RIMS2: variants seen among roughly 807,000 people sequenced by gnomAD.
RIMS2 encodes the protein regulating synaptic membrane exocytosis protein 2.
A neutral mutation model predicts 174.4 loss-of-function variants in RIMS2; 59 were observed. That is an observed-to-expected ratio of 0.34 (90% confidence interval 0.27 to 0.42). The LOEUF (loss-of-function observed/expected upper bound fraction) is 0.42, where lower values mean the gene tolerates loss of function less well. Ranked by LOEUF, RIMS2 falls within the 10% of genes least tolerant of loss-of-function variation. The pLI is 1.00. For missense variants in RIMS2, 1,620 were observed against 1,666.3 expected (o/e 0.97, Z 0.48); for synonymous variants, 606 against 572.5 (o/e 1.06, Z -0.84).
At chr8:103,910,485 T>C in intron 5 of RIMS2, 1 of 1,597,752 alleles carries the variant, frequency 6.3e-7, no homozygotes, top group South Asian at 1.1e-5. Flanking sequence ...GGTAGATACG[T>C]GTAGTAGCAC....
At chr8:103,652,225 C>A (rs1158861545) in intron 1 of RIMS2, 21 of 1,348,350 alleles carry the variant, frequency 1.6e-5, no homozygotes, top group Non-Finnish European at 2.0e-5. Flanking sequence ...GAACACAAAC[C>A]ACAACTGACA....
intron 3 of RIMS2, among the ~76,000 whole-genome samples, chr8:103,808,747 C>T (rs1019815585): frequency 2.6e-5 from 4 of 152,278 alleles, no homozygotes; most frequent in African/African-American, 9.6e-5. Context: ...GTTGATTCGA[C>T]TTCTACCTTT....
chr8:104,174,234 G>A (rs538735068), intron 19 of RIMS2, among the ~76,000 whole-genome samples: 118 of 151,984 alleles, frequency 7.8e-4, no homozygotes, highest in Non-Finnish European at 1.2e-3. Context: ...GGCGTGAGCC[G>A]CTGCACCCGG....
chr8:103,992,216 C>G (rs577563291), intron 17 of RIMS2, among the ~76,000 whole-genome samples: 1 of 151,642 alleles, frequency 6.6e-6, no homozygotes, highest in African/African-American at 2.4e-5. Context: ...TCAAGCGATT[C>G]TCCTGCCTCA....
intron 9 of RIMS2, among the ~76,000 whole-genome samples, chr8:103,919,973 A>G (rs1055353345): frequency 3.3e-5 from 5 of 152,134 alleles, no homozygotes; most frequent in Non-Finnish European, 5.9e-5. Flanking sequence ...ATACCATCAC[A>G]TTTAATTTTT....
intron 1 of RIMS2, among the ~76,000 whole-genome samples, chr8:103,550,715 C>G (rs1194518859): frequency 1.3e-5 from 2 of 151,318 alleles, no homozygotes; most frequent in Non-Finnish European, 2.9e-5. Flanking sequence ...ACTAGCAAGA[C>G]TAATAAAGAA....
At chr8:104,152,934 G>A (rs1417267294) in intron 19 of RIMS2, among the ~76,000 whole-genome samples, 2 of 152,104 alleles carry the variant, frequency 1.3e-5, no homozygotes, top group Non-Finnish European at 1.5e-5. Flanking sequence ...AAAAATAAAT[G>A]TTATTGTACC....
chr8:104,023,301 T>C (rs2096157502), intron 19 of RIMS2, among the ~76,000 whole-genome samples: 1 of 151,362 alleles, frequency 6.6e-6, no homozygotes, highest in Admixed American at 6.6e-5. Flanking sequence ...TTTTTTTTTT[T>C]AGTAAGATGA....
At chr8:103,553,452 G>C (rs1848985071) in intron 1 of RIMS2, among the ~76,000 whole-genome samples, 1 of 152,040 alleles carries the variant, frequency 6.6e-6, no homozygotes, top group Admixed American at 6.6e-5. Context: ...GTCATGGGGT[G>C]GGGGAAGGAG....
At chr8:103,900,259 T>A (rs2099320942) in intron 4 of RIMS2, among the ~76,000 whole-genome samples, 1 of 151,680 alleles carries the variant, frequency 6.6e-6, no homozygotes, top group Non-Finnish European at 1.5e-5. Flanking sequence ...GTCTCACTCT[T>A]GTCTCCCAGA....
intron 3 of RIMS2, among the ~76,000 whole-genome samples, chr8:103,851,511 T>A (rs554565811): frequency 6.6e-6 from 1 of 151,976 alleles, no homozygotes; most frequent in East Asian, 1.9e-4. Context: ...AATATATGAC[T>A]AAGAGTAGAG....
chr8:103,880,788 TG>T (rs2099163660), intron 3 of RIMS2: 1 of 393,548 alleles, frequency 2.5e-6, no homozygotes, highest in Non-Finnish European at 4.5e-6. Context: ...CAAAGCTTTT[TG>T]TAGGAATTAT....
intron 1 of RIMS2, among the ~76,000 whole-genome samples, chr8:103,544,504 C>A (rs960180128): frequency 6.6e-6 from 1 of 152,178 alleles, no homozygotes; most frequent in African/African-American, 2.4e-5. Context: ...CCTCCTATTG[C>A]GCTAGAGACA....
chr8:103,532,274 T>C (rs17806378), intron 1 of RIMS2, among the ~76,000 whole-genome samples: 9,734 of 152,290 alleles, frequency 0.064, 396 homozygotes, highest in South Asian at 0.087. Context: ...AAGGAAAAAG[T>C]AGTTTCTGAA....
In RIMS2 at chr8:103,614,037, G is replaced by A. The variant is rs377011014; in HGVS notation, c.177-83049G>A. On this transcript the variant is annotated intron_variant, in intron 1 of 23. Coordinates refer to ENST00000504942, the Ensembl canonical transcript of RIMS2. ...GTGCAAGCACTACTTTAACCACCCC[G>A]GCTGGTGTCTCCATAGGTCACATGC... is the stretch of plus-strand genomic sequence containing the variant. 7.2e-5 allele frequency among the ~76,000 whole-genome samples: 11 copies of A among 152,202 alleles called. 1 individual carries two copies. The highest frequency in any genetic ancestry group is 1.3e-4 in the Non-Finnish European group (9 of 68,040).
intron 19 of RIMS2, among the ~76,000 whole-genome samples, chr8:104,177,600 A>G (rs2098911351): frequency 6.6e-6 from 1 of 152,202 alleles, no homozygotes; most frequent in Non-Finnish European, 1.5e-5. Context: ...TCACATAGGC[A>G]AAGAAGGAAT....
intron 1 of RIMS2, chr8:103,652,217 AC>A (rs2096463875): frequency 7.4e-7 from 1 of 1,349,144 alleles, no homozygotes; most frequent in Admixed American, 1.9e-5. Context: ...TCAAAGAAGA[AC>A]ACAAACCACA....
intron 19 of RIMS2, among the ~76,000 whole-genome samples, chr8:104,184,313 T>C (rs1195268542): frequency 6.6e-6 from 1 of 151,598 alleles, no homozygotes; most frequent in African/African-American, 2.4e-5. Context: ...GTAATATGCC[T>C]CTAAAGAACA....
chr8:104,173,074 A>G (rs1006799381), intron 19 of RIMS2, among the ~76,000 whole-genome samples: 5 of 152,228 alleles, frequency 3.3e-5, no homozygotes, highest in African/African-American at 9.6e-5. Flanking sequence ...TAGTCTCTGC[A>G]TAAAATTACA....
Sources: allele counts gnomAD v4.1 joint callset (sites outside exome capture counted in the v4.1 genomes callset), GRCh38; gene constraint gnomAD v4.1.1; transcripts MANE v1.5; gene names NCBI Gene and HGNC (gene_info 2026-07-23, HGNC 2026-07-21).